Variants in AASDH observed in about 807,000 individuals in gnomAD.
AASDH encodes beta-alanine-activating enzyme.
In AASDH, 81 loss-of-function variants were observed where a neutral mutation model predicts 102.3. The ratio of observed to expected loss-of-function variants is 0.79; its 90% CI spans 0.66 to 0.95. The LOEUF is 0.95. Among genes scored for constraint, AASDH ranks in the 40% least tolerant of loss-of-function variants. AASDH has a pLI of 0.00. For synonymous variants in AASDH, 398 were observed against 454.0 expected, an observed-to-expected ratio of 0.88 and a Z score of 1.57; for missense variants, 1,203 against 1,266.2, an observed-to-expected ratio of 0.95 and a Z score of 0.76.
intron 4 of AASDH, 72 bp downstream of exon 4, chr4:56,378,076 G>T: frequency 7.0e-7 from 1 of 1,433,060 alleles, no homozygotes; most frequent in Non-Finnish European, 9.4e-7. Context: ...AAAGTGCTGG[G>T]ATTACAGGCA....
At chr4:56,343,907 A>G (rs1748014459) in intron 12 of AASDH, among the ~76,000 whole-genome samples, 1 of 152,172 alleles carries the variant, frequency 6.6e-6, no homozygotes, top group Non-Finnish European at 1.5e-5. Context: ...TTTTTGGGGT[A>G]TGGGTGTGTG....
At chr4:56,355,480 G>A (rs1749505212) in intron 5 of AASDH, 57 bp from the exon 6 acceptor site, 1 of 1,486,886 alleles carries the variant, frequency 6.7e-7, no homozygotes, top group African/African-American at 1.4e-5. Context: ...AAAAAGGTAA[G>A]CACTGTAGTT....
intron 14 of AASDH, among the ~76,000 whole-genome samples, chr4:56,341,047 T>G (rs1158047366): frequency 1.3e-5 from 2 of 152,164 alleles, no homozygotes; most frequent in Non-Finnish European, 2.9e-5. Context: ...AAAAGGAACT[T>G]ACACTGCTGG....
Position 56,378,220 on chromosome 4 carries a change from GA to G in AASDH, c.595del (p.Ser199GlnfsTer17). Reference sequence around the variant, plus strand: ...AATCTTCGGTATCCCTGTAGTCCCTGATGTATGTAGAACATAGGCTAAGCAA... The same window carrying G: ...AATCTTCGGTATCCCTGTAGTCCCTGTGTATGTAGAACATAGGCTAAGCAA... ...KHCLAYVLHT[S>X]GTTGIPKIVR... On this transcript the variant is annotated frameshift_variant, in exon 4 of 15. Coordinates refer to ENST00000205214, the MANE Select transcript of AASDH (RefSeq NM_181806.4). LOFTEE classifies it high-confidence loss of function. The G allele has an allele frequency of 6.2e-7, 1 of 1,614,162 alleles. No homozygotes were observed. The highest frequency in any genetic ancestry group is 8.5e-7 in the Non-Finnish European group (1 of 1,180,020).
intron 5 of AASDH, among the ~76,000 whole-genome samples, chr4:56,359,311 TCAC>T (rs1166936786): frequency 6.7e-6 from 1 of 150,260 alleles, no homozygotes; most frequent in Non-Finnish European, 1.5e-5. Context: ...CAATCTCGGC[TCAC>T]CACAACATCC....
At chr4:56,347,639 C>T (rs996363143) in intron 11 of AASDH, among the ~76,000 whole-genome samples, 6 of 152,128 alleles carry the variant, frequency 3.9e-5, no homozygotes, top group Non-Finnish European at 7.4e-5. Context: ...TGGTGGCTCA[C>T]GCCTGTAATC....
chr4:56,376,019 C>CTTTTTT (rs67950154), intron 4 of AASDH, among the ~76,000 whole-genome samples: 1 of 106,742 alleles, frequency 9.4e-6, no homozygotes, highest in African/African-American at 3.6e-5. Context: ...AACCGCTCAT[C>CTTTTTT]TTTTTTTTTT....
intron 5 of AASDH, 113 bp from the exon 6 acceptor site, chr4:56,355,536 G>T: frequency 8.8e-6 from 8 of 909,378 alleles, no homozygotes; most frequent in Admixed American, 3.3e-5. Context: ...AATGAAGGCT[G>T]TGTTTATCAA....
chr4:56,377,226 G>A (rs1465464340), intron 4 of AASDH, among the ~76,000 whole-genome samples: 1 of 151,982 alleles, frequency 6.6e-6, no homozygotes, highest in Non-Finnish European at 1.5e-5. Context: ...CATGTTTCAT[G>A]AGGTTTCTAT....
intron 3 of AASDH, among the ~76,000 whole-genome samples, chr4:56,378,738 T>C (rs1752633447): frequency 6.6e-6 from 1 of 151,508 alleles, no homozygotes; most frequent in African/African-American, 2.4e-5. Flanking sequence ...GCTATGTAAA[T>C]AGTTGCTATA....
chr4:56,344,376 C>T (rs1456261274), intron 12 of AASDH, among the ~76,000 whole-genome samples: 1 of 152,058 alleles, frequency 6.6e-6, no homozygotes, highest in Admixed American at 6.5e-5. Flanking sequence ...TTTTAATTTT[C>T]ATTCCTTTGA....
intron 5 of AASDH, among the ~76,000 whole-genome samples, chr4:56,359,406 C>G (rs1027363033): frequency 6.7e-6 from 1 of 148,216 alleles, no homozygotes; most frequent in African/African-American, 2.5e-5. Context: ...ATTACAGGCA[C>G]CTGCCACCAT....
intron 12 of AASDH, among the ~76,000 whole-genome samples, 187 bp downstream of exon 12, chr4:56,344,940 C>CTTTTT (rs11357105): frequency 3.2e-5 from 4 of 124,128 alleles, no homozygotes; most frequent in African/African-American, 5.9e-5. Context: ...AATTTTCTTT[C>CTTTTT]TTTTTTTTTT....
chr4:56,355,850 C>A (rs1055653719), intron 5 of AASDH, among the ~76,000 whole-genome samples: 6 of 152,006 alleles, frequency 3.9e-5, no homozygotes, highest in African/African-American at 1.5e-4. Context: ...CTCCTGGGCT[C>A]AAGCAATCCT....
intron 11 of AASDH, among the ~76,000 whole-genome samples, chr4:56,348,247 T>C (rs1169991075): frequency 2.0e-5 from 3 of 151,492 alleles, no homozygotes; most frequent in Non-Finnish European, 2.9e-5. Flanking sequence ...TGGCCTGAAC[T>C]GAGTTATGCA....
At chr4:56,358,281 T>C (rs1267252180) in intron 5 of AASDH, among the ~76,000 whole-genome samples, 5 of 151,730 alleles carry the variant, frequency 3.3e-5, no homozygotes, top group Non-Finnish European at 7.4e-5. Context: ...ATATACAGGA[T>C]CACATCAACT....
intron 8 of AASDH, 112 bp downstream of exon 8, chr4:56,353,927 T>G: frequency 1.0e-6 from 1 of 994,524 alleles, no homozygotes; most frequent in South Asian, 2.3e-5. Context: ...AATTCATCAC[T>G]AACACAAAAA....
chr4:56,343,777 A>G (rs1405527147), intron 12 of AASDH, 93 bp from the exon 13 acceptor site: 60 of 1,270,710 alleles, frequency 4.7e-5, no homozygotes, highest in East Asian at 8.0e-5. Context: ...TTTAGTTAAT[A>G]TAAGTTTTTA....
At chr4:56,373,014 C>CACA (rs2109976660) in intron 4 of AASDH, among the ~76,000 whole-genome samples, 2 of 152,150 alleles carry the variant, frequency 1.3e-5, no homozygotes, top group East Asian at 3.9e-4. Flanking sequence ...CTTCCTCCCA[C>CACA]GTATAGGGCA....
Sources: allele counts gnomAD v4.1 joint callset (sites outside exome capture counted in the v4.1 genomes callset), GRCh38; gene constraint gnomAD v4.1.1; transcripts MANE v1.5; gene names NCBI Gene and HGNC (gene_info 2026-07-23, HGNC 2026-07-21).